CALN1: variants seen among roughly 807,000 people sequenced by gnomAD.
The protein encoded by CALN1 is calcium-binding protein 8.
A neutral mutation model predicts 30.6 loss-of-function variants in CALN1; 17 were observed. The observed-to-expected ratio is 0.56, with a 90% CI of 0.38 to 0.83. The LOEUF is 0.83. Among genes scored for constraint, CALN1 ranks in the 40% least tolerant of loss-of-function variants. CALN1 has a pLI of 0.00. For synonymous variants in CALN1, 156 were observed against 131.4 expected, an observed-to-expected ratio of 1.19 and a Z score of -1.28; for missense variants, 291 against 354.9, an observed-to-expected ratio of 0.82 and a Z score of 1.45.
chr7:72,409,229 C>T (rs1026026985), intron 1 of CALN1, among the ~76,000 whole-genome samples: 6 of 150,826 alleles, frequency 4.0e-5, no homozygotes, highest in African/African-American at 1.5e-4. Flanking sequence ...GTCCTGACCT[C>T]ATGATCTACC....
In CALN1 at chr7:71,988,625, A is replaced by G. The variant is rs193115280; in HGVS notation, c.501+35032T>C. On this transcript the variant is annotated intron_variant, in intron 5 of 6. Transcript: ENST00000395275. ...ATATTTTTAATTTATTTCTGTGTGT[A>G]TTCTTCTGGGAAATTAGGAGAAGTC... is the stretch of plus-strand genomic sequence containing the variant. 1.5e-4 allele frequency among the ~76,000 whole-genome samples: 23 copies of G among 152,218 alleles called. No individual in the cohort carries two copies. In the East Asian group the frequency reaches 4.1e-3, roughly 27 times the overall value.
At chr7:72,247,014 G>A (rs972330945) in intron 3 of CALN1, among the ~76,000 whole-genome samples, 5 of 151,404 alleles carry the variant, frequency 3.3e-5, no homozygotes, top group African/African-American at 9.7e-5. Context: ...TCGGCCTCCC[G>A]AAGTGCTGGG....
intron 5 of CALN1, among the ~76,000 whole-genome samples, chr7:72,019,858 T>TGGG (rs1474192404): frequency 6.6e-6 from 1 of 152,172 alleles, no homozygotes; most frequent in African/African-American, 2.4e-5. Context: ...TGTAATGTAT[T>TGGG]ATGCAGCCAA....
chr7:72,228,751 T>A (rs74605114), intron 3 of CALN1, among the ~76,000 whole-genome samples: 1 of 41,702 alleles, frequency 2.4e-5, no homozygotes, highest in African/African-American at 5.9e-5. Flanking sequence ...ATTTATTTAT[T>A]TATTTATTTA....
the CALN1 span, among the ~76,000 whole-genome samples, chr7:72,497,873 G>C: frequency 1.3e-5 from 2 of 152,218 alleles, no homozygotes; most frequent in African/African-American, 2.4e-5. Flanking sequence ...TGTTGGTATT[G>C]AGAAAAGGAC....
rs1018983826 is a variant in CALN1, at chr7:72,324,527, T to G, written c.120-45717A>C. On this transcript the variant is annotated intron_variant, in intron 2 of 6. Coordinates refer to ENST00000395275, the MANE Select transcript of CALN1 (RefSeq NM_031468.4). ...GAAAGCTCATTTTCAGCTCTGGCTC[T>G]CTCTCTCTTTTTCCCTCCTTTTAAA... is the stretch of plus-strand genomic sequence containing the variant. Among the ~76,000 whole-genome samples the G allele has an allele frequency of 2.0e-5, 3 of 151,576 alleles. No individual in the cohort carries two copies. In the East Asian group the frequency reaches 5.9e-4, roughly 30 times the overall value.
chr7:71,857,018 G>GTGTGTATA (rs34481108), intron 5 of CALN1, among the ~76,000 whole-genome samples: 5 of 88,924 alleles, frequency 5.6e-5, no homozygotes, highest in African/African-American at 9.8e-5. Context: ...GTATATGTAT[G>GTGTGTATA]TGTGTGTGTG....
intron 4 of CALN1, among the ~76,000 whole-genome samples, chr7:72,044,661 G>C (rs955289197): frequency 7.6e-6 from 1 of 131,518 alleles, no homozygotes; most frequent in Non-Finnish European, 1.5e-5. Flanking sequence ...ACCCAGGCTA[G>C]AATGCAGTGA....
chr7:72,336,959 G>C (rs901760456), intron 2 of CALN1: 1 of 985,094 alleles, frequency 1.0e-6, no homozygotes, highest in African/African-American at 1.7e-5. Context: ...TCGTCGACTC[G>C]GAGCGCGATC....
At chr7:72,221,576 C>G (rs967539052) in intron 3 of CALN1, among the ~76,000 whole-genome samples, 1 of 152,040 alleles carries the variant, frequency 6.6e-6, no homozygotes, top group African/African-American at 2.4e-5. Context: ...TACTTAGGAC[C>G]AGGAAAAACT....
intron 5 of CALN1, among the ~76,000 whole-genome samples, chr7:71,858,582 A>C (rs1791086677): frequency 6.6e-6 from 1 of 151,900 alleles, no homozygotes; most frequent in Non-Finnish European, 1.5e-5. Context: ...CAGAGGACAG[A>C]CAGAACTCAA....
intron 5 of CALN1, among the ~76,000 whole-genome samples, chr7:71,969,307 G>A (rs1468889182): frequency 2.0e-5 from 3 of 151,940 alleles, no homozygotes; most frequent in Non-Finnish European, 4.4e-5. Flanking sequence ...ATGCATTCTC[G>A]GTATTAACCT....
At chr7:71,817,549 T>C (rs1392129282) in intron 5 of CALN1, among the ~76,000 whole-genome samples, 1 of 152,270 alleles carries the variant, frequency 6.6e-6, no homozygotes, top group Non-Finnish European at 1.5e-5. Flanking sequence ...GGAGTCTCGC[T>C]CTGTCGCCCA....
chr7:72,407,614 T>TC (rs1806791697), intron 1 of CALN1, among the ~76,000 whole-genome samples: 1 of 152,126 alleles, frequency 6.6e-6, no homozygotes, highest in African/African-American at 2.4e-5. Context: ...TCCTGAGGCC[T>TC]CCCCAGCCAT....
rs189228784 is a variant in CALN1 at position 71,792,752 on chromosome 7, G to A, written c.659-4850C>T. On this transcript the variant is annotated intron_variant, in intron 6 of 6. Coordinates refer to ENST00000395275, the MANE Select transcript of CALN1 (RefSeq NM_031468.4). ...TTCTTCTCCTGGAAATGTTTCCGAAGGCAGCCCTTTTCCATTCCATCTTGA... is the reference window on the plus strand; with the variant it reads ...TTCTTCTCCTGGAAATGTTTCCGAAAGCAGCCCTTTTCCATTCCATCTTGA... Among the ~76,000 whole-genome samples the A allele has an allele frequency of 6.6e-5, 10 of 152,172 alleles. No homozygotes were observed. In the East Asian group the frequency reaches 1.9e-3, roughly 29 times the overall value.
At chr7:71,913,540 A>G (rs937518756) in intron 5 of CALN1, among the ~76,000 whole-genome samples, 2 of 152,190 alleles carry the variant, frequency 1.3e-5, no homozygotes, top group African/African-American at 4.8e-5. Flanking sequence ...ATAGTACAAT[A>G]CAAGTTGCAA....
chr7:72,263,847 T>C (rs1170411476), intron 3 of CALN1, among the ~76,000 whole-genome samples: 1 of 152,196 alleles, frequency 6.6e-6, no homozygotes, highest in South Asian at 2.1e-4. Context: ...GCATGATATA[T>C]TTAGGCACTG....
intron 4 of CALN1, among the ~76,000 whole-genome samples, chr7:72,043,000 A>T (rs1218754537): frequency 2.0e-5 from 3 of 152,130 alleles, no homozygotes; most frequent in Non-Finnish European, 2.9e-5. Context: ...AGGCCACAAA[A>T]ATTTATAGAA....
chr7:72,275,573 C>T (rs1192406855), intron 3 of CALN1, among the ~76,000 whole-genome samples: 1 of 152,128 alleles, frequency 6.6e-6, no homozygotes, highest in African/African-American at 2.4e-5. Context: ...AAATAAATGG[C>T]CCTTCCCCAG....
Sources: gnomAD v4.1 joint callset for allele counts (sites outside exome capture counted in the v4.1 genomes callset) on GRCh38, gnomAD v4.1.1 for gene constraint, MANE v1.5 for transcripts, NCBI Gene and HGNC (gene_info 2026-07-23, HGNC 2026-07-21) for gene names.